The following TENM3 variants were observed in gnomAD, a reference collection of about 807,000 sequenced individuals.
The protein encoded by TENM3 is teneurin-3.
TENM3 carries 63 observed loss-of-function variants against 255.1 expected under a neutral mutation model. The ratio of observed to expected loss-of-function variants is 0.25; its 90% confidence interval spans 0.20 to 0.30. The LOEUF is 0.30. Ranked by LOEUF, TENM3 falls within the 10% of genes least tolerant of loss-of-function variation. The pLI, the probability that TENM3 is intolerant of heterozygous loss-of-function variation, is 1.00. For missense variants in TENM3, 2,929 were observed against 3,461.1 expected (o/e 0.85, Z 3.86); for synonymous variants, 1,306 against 1,322.3 (o/e 0.99, Z 0.27).
the TENM3 span, among the ~76,000 whole-genome samples, chr4:181,538,356 T>C: frequency 6.6e-6 from 1 of 152,110 alleles, no homozygotes; most frequent in African/African-American, 2.4e-5. Context: ...TAGTCAAAAA[T>C]GTCTTTATTA....
At chr4:181,814,279 T>C in the TENM3 span, among the ~76,000 whole-genome samples, 1 of 152,100 alleles carries the variant, frequency 6.6e-6, no homozygotes, top group African/African-American at 2.4e-5. Flanking sequence ...AAGAGCATTA[T>C]AAAAAGATAC....
At chr4:181,928,912 T>C in the TENM3 span, among the ~76,000 whole-genome samples, 1 of 152,162 alleles carries the variant, frequency 6.6e-6, no homozygotes, top group Non-Finnish European at 1.5e-5. Context: ...ACCCACAATT[T>C]CATATCCAGT....
chr4:182,017,241 C>T, the TENM3 span, among the ~76,000 whole-genome samples: 2 of 152,240 alleles, frequency 1.3e-5, no homozygotes, highest in South Asian at 2.1e-4. Context: ...GGCCACACGC[C>T]GTGCTTCGCC....
intron 13 of TENM3, 55 bp downstream of exon 13, chr4:182,714,288 G>A (rs962389399): frequency 3.6e-6 from 3 of 822,394 alleles, no homozygotes; most frequent in Non-Finnish European, 5.2e-6. Flanking sequence ...GTTCGTAAGT[G>A]ACAGTGAGTA....
In TENM3 at chr4:182,633,007, GCA is replaced by G. The variant is rs1329771698; in HGVS notation, c.988+4119_988+4120del. 7.2e-5 allele frequency among the ~76,000 whole-genome samples: 11 copies of G among 152,188 alleles called. No individual in the cohort carries two copies. In the East Asian group the frequency reaches 2.1e-3, roughly 29 times the overall value. ...TGCAACGACGCAGTCACAGCTCACT[GCA>G]GCCTCTGCCTCCTGGGCTCAAGTGA... On this transcript the variant is annotated intron_variant, in intron 5 of 27. Coordinates refer to ENST00000511685, the MANE Select transcript of TENM3 (RefSeq NM_001080477.4).
the TENM3 span, among the ~76,000 whole-genome samples, chr4:182,090,757 C>G: frequency 6.6e-6 from 1 of 152,156 alleles, no homozygotes; most frequent in Non-Finnish European, 1.5e-5. Context: ...CCACATTTAG[C>G]CCTAGAAATG....
the TENM3 span, among the ~76,000 whole-genome samples, chr4:181,500,334 G>GAAA: frequency 2.1e-5 from 3 of 139,642 alleles, no homozygotes; most frequent in Non-Finnish European, 3.1e-5. Context: ...CGGCCTTATG[G>GAAA]AAAAAAAAAA....
At chr4:182,515,401 T>C (rs1397497590) in intron 3 of TENM3, among the ~76,000 whole-genome samples, 1 of 152,042 alleles carries the variant, frequency 6.6e-6, no homozygotes, top group African/African-American at 2.4e-5. Flanking sequence ...GGAAAAACAG[T>C]AGGAACAATT....
At chr4:182,696,312 C>T (rs1232316310) in intron 12 of TENM3, among the ~76,000 whole-genome samples, 1 of 152,128 alleles carries the variant, frequency 6.6e-6, no homozygotes, top group Non-Finnish European at 1.5e-5. Context: ...AATTATCTCT[C>T]TATACTCTCT....
chr4:181,575,823 C>A, the TENM3 span, among the ~76,000 whole-genome samples: 2 of 152,210 alleles, frequency 1.3e-5, no homozygotes, highest in African/African-American at 4.8e-5. Flanking sequence ...TGCAGAGAGA[C>A]TGATGATCTG....
the TENM3 span, among the ~76,000 whole-genome samples, chr4:181,792,494 C>T: frequency 6.6e-6 from 1 of 152,064 alleles, no homozygotes; most frequent in Non-Finnish European, 1.5e-5. Flanking sequence ...AAACTAGGTC[C>T]TGTCAACATA....
At chr4:182,050,502 C>A in the TENM3 span, among the ~76,000 whole-genome samples, 921 of 152,246 alleles carry the variant, frequency 6.0e-3, 7 homozygotes, top group Middle Eastern at 0.014. Flanking sequence ...TGCAGAATTT[C>A]TGAAAGAAAA....
At chr4:181,987,705 A>G in the TENM3 span, among the ~76,000 whole-genome samples, 2 of 152,162 alleles carry the variant, frequency 1.3e-5, no homozygotes, top group African/African-American at 4.8e-5. Context: ...TGAAGTACAC[A>G]TTTCTAGTTC....
chr4:182,348,724 A>G (rs367927552), intron 3 of TENM3, among the ~76,000 whole-genome samples: 2 of 152,192 alleles, frequency 1.3e-5, no homozygotes, highest in Admixed American at 6.5e-5. Flanking sequence ...AATTAATTTT[A>G]TGATTTTTAA....
chr4:182,458,016 C>A (rs1240706752), intron 3 of TENM3, among the ~76,000 whole-genome samples: 1 of 152,094 alleles, frequency 6.6e-6, no homozygotes, highest in Non-Finnish European at 1.5e-5. Flanking sequence ...AACGTTGTAA[C>A]CATTGGATGT....
chr4:181,954,323 T>C, the TENM3 span, among the ~76,000 whole-genome samples: 53 of 152,354 alleles, frequency 3.5e-4, 1 homozygote, highest in Non-Finnish European at 4.4e-5. Flanking sequence ...ACTAAATATA[T>C]GTTAATTTTA....
rs189206259 is a variant in TENM3 at position 182,433,304 on chromosome 4, G to C, written c.511+86375G>C. Reference sequence around the variant, plus strand: ...CATGGACGCAGGGAATGCAGGATGAGATACGAGTTTGTGGAAGAGGACTAT... The same window carrying C: ...CATGGACGCAGGGAATGCAGGATGACATACGAGTTTGTGGAAGAGGACTAT... On this transcript the variant is annotated intron_variant, in intron 3 of 27. Transcript: ENST00000511685. Among the ~76,000 whole-genome samples, 535 of 152,288 alleles carry C rather than the reference G, an allele frequency of 3.5e-3. 6 individuals are homozygous for C. The highest frequency in any genetic ancestry group is 2.7e-3 in the Non-Finnish European group (186 of 68,026).
the TENM3 span, among the ~76,000 whole-genome samples, chr4:181,643,253 TA>T: frequency 6.6e-6 from 1 of 152,150 alleles, no homozygotes; most frequent in Non-Finnish European, 1.5e-5. Context: ...TATTGCTAGG[TA>T]TTTTATTCTC....
the TENM3 span, among the ~76,000 whole-genome samples, chr4:182,011,223 A>T: frequency 6.6e-6 from 1 of 152,182 alleles, no homozygotes; most frequent in Non-Finnish European, 1.5e-5. Context: ...TGAACTCATT[A>T]TATTTCTACT....
Sources: allele counts gnomAD v4.1 joint callset (sites outside exome capture counted in the v4.1 genomes callset), GRCh38; gene constraint gnomAD v4.1.1; transcripts MANE v1.5; gene names NCBI Gene and HGNC (gene_info 2026-07-23, HGNC 2026-07-21).